AKAP19: variants seen among roughly 807,000 people sequenced by gnomAD.
AKAP19 encodes the protein A-kinase anchoring protein 19, also known as small A-kinase anchoring protein.
the AKAP19 span, among the ~76,000 whole-genome samples, chr2:190,178,543 G>A: frequency 6.6e-6 from 1 of 152,210 alleles, no homozygotes; most frequent in Non-Finnish European, 1.5e-5. The surrounding 1 kb of genome is among the most constrained non-coding windows in gnomAD (Gnocchi z 6.3). Context: ...CCACGGGCTA[G>A]GTCCTCCCTT....
chr2:190,137,431 CT>C, the AKAP19 span, among the ~76,000 whole-genome samples: 2 of 152,126 alleles, frequency 1.3e-5, no homozygotes, highest in Non-Finnish European at 2.9e-5. Flanking sequence ...TTTCATTATC[CT>C]GGTCCCTGGA....
chr2:189,894,550 G>A, the AKAP19 span, among the ~76,000 whole-genome samples: 3 of 151,512 alleles, frequency 2.0e-5, no homozygotes, highest in Non-Finnish European at 2.9e-5. Context: ...TTTTCTTCTC[G>A]GATCACCTCA....
At chr2:189,962,953 C>T in the AKAP19 span, among the ~76,000 whole-genome samples, 1 of 151,996 alleles carries the variant, frequency 6.6e-6, no homozygotes, top group Non-Finnish European at 1.5e-5. Context: ...AGCATTTTAC[C>T]TGTAGTAAAA....
At chr2:189,883,797 G>C in the AKAP19 span, among the ~76,000 whole-genome samples, 5 of 152,114 alleles carry the variant, frequency 3.3e-5, no homozygotes, top group African/African-American at 9.6e-5. Flanking sequence ...AGAATATAGA[G>C]AGAAGACATT....
chr2:189,973,470 C>T, the AKAP19 span, among the ~76,000 whole-genome samples: 2 of 152,106 alleles, frequency 1.3e-5, no homozygotes, highest in Non-Finnish European at 2.9e-5. Context: ...CTCTGCCAGG[C>T]TTTGGTATCA....
chr2:189,980,156 A>C, the AKAP19 span, among the ~76,000 whole-genome samples: 1 of 152,202 alleles, frequency 6.6e-6, no homozygotes. Flanking sequence ...TCATGGAATC[A>C]ACCTAAGTGT....
the AKAP19 span, among the ~76,000 whole-genome samples, chr2:190,065,877 G>T: frequency 2.0e-5 from 3 of 152,142 alleles, no homozygotes; most frequent in Non-Finnish European, 2.9e-5. Context: ...TTCTCCAGTG[G>T]CAGTGATTGC....
the AKAP19 span, among the ~76,000 whole-genome samples, chr2:190,033,593 C>T: frequency 6.6e-5 from 10 of 152,156 alleles, no homozygotes; most frequent in African/African-American, 2.4e-4. Flanking sequence ...TAGCAATATG[C>T]ATTTATAAAC....
chr2:189,904,588 A>G, the AKAP19 span, among the ~76,000 whole-genome samples: 1 of 152,010 alleles, frequency 6.6e-6, no homozygotes, highest in Non-Finnish European at 1.5e-5. Flanking sequence ...GAGGACAAAA[A>G]TCTGTTTTTT....
the AKAP19 span, among the ~76,000 whole-genome samples, chr2:189,953,324 T>C: frequency 2.6e-5 from 4 of 152,224 alleles, no homozygotes; most frequent in African/African-American, 9.6e-5. Context: ...TTAGTACATA[T>C]TGAGCACTGT....
the AKAP19 span, among the ~76,000 whole-genome samples, chr2:190,059,198 T>C: frequency 2.6e-5 from 4 of 151,974 alleles, no homozygotes; most frequent in African/African-American, 9.7e-5. Context: ...ATTATATCAA[T>C]AGATGAACGT....
At chr2:190,200,305 T>C in the AKAP19 span, 1 of 657,620 alleles carries the variant, frequency 1.5e-6, no homozygotes, top group Non-Finnish European at 2.7e-6. Flanking sequence ...TGAAATGCAT[T>C]TTAAGTACTT....
the AKAP19 span, among the ~76,000 whole-genome samples, chr2:189,961,686 G>T: frequency 6.6e-6 from 1 of 152,096 alleles, no homozygotes; most frequent in Non-Finnish European, 1.5e-5. Context: ...GCTGAGGTGG[G>T]TGGATCATGA....
At chr2:190,057,218 C>G in the AKAP19 span, 1 of 1,610,736 alleles carries the variant, frequency 6.2e-7, no homozygotes, top group Non-Finnish European at 8.5e-7. Context: ...AGGGGAAAAC[C>G]TTCCATGTTT....
the AKAP19 span, among the ~76,000 whole-genome samples, chr2:189,922,558 T>TAA: frequency 6.6e-6 from 1 of 152,238 alleles, no homozygotes; most frequent in Non-Finnish European, 1.5e-5. Flanking sequence ...CAGTACTTGC[T>TAA]GTACTTTCAC....
At chr2:190,054,980 G>A in the AKAP19 span, among the ~76,000 whole-genome samples, 1 of 152,142 alleles carries the variant, frequency 6.6e-6, no homozygotes, top group African/African-American at 2.4e-5. Context: ...ATTACTGGGT[G>A]TGTACCCAAA....
chr2:190,144,153 C>A, the AKAP19 span, among the ~76,000 whole-genome samples: 1 of 141,894 alleles, frequency 7.0e-6, no homozygotes, highest in Non-Finnish European at 1.5e-5. Flanking sequence ...CACATGTACC[C>A]TAAAACTTAA....
At chr2:190,163,000 G>T in the AKAP19 span, among the ~76,000 whole-genome samples, 1 of 152,184 alleles carries the variant, frequency 6.6e-6, no homozygotes, top group Non-Finnish European at 1.5e-5. Context: ...TATTAAATAT[G>T]AGTAAGCCTG....
the AKAP19 span, among the ~76,000 whole-genome samples, chr2:189,896,652 A>G: frequency 6.6e-6 from 1 of 152,126 alleles, no homozygotes; most frequent in Admixed American, 6.5e-5. Flanking sequence ...GGGAGAAAAC[A>G]TAATATGAAT....
Sources: gnomAD v4.1 joint callset for allele counts (sites outside exome capture counted in the v4.1 genomes callset) on GRCh38, gnomAD v4.1.1 for gene constraint, Gnocchi (gnomAD v3.1) non-coding constraint, MANE v1.5 for transcripts, NCBI Gene and HGNC (gene_info 2026-07-23, HGNC 2026-07-21) for gene names.